Variants in CSMD1 observed in about 807,000 individuals in gnomAD.
CSMD1 encodes CUB and Sushi multiple domains 1.
CSMD1 carries 213 observed loss-of-function variants against 417.5 expected under a neutral mutation model. The observed-to-expected ratio is 0.51, with a 90% CI of 0.46 to 0.57. The LOEUF (loss-of-function observed/expected upper bound fraction) is 0.57. Ranked by LOEUF, CSMD1 falls within the 20% of genes least tolerant of loss-of-function variation. The probability of loss-of-function intolerance (pLI) is 0.00; values close to 1 mark genes in which losing one functional copy is unlikely to be tolerated. For missense variants in CSMD1, 6,923 were observed against 4,529.7 expected (o/e 1.53, Z -15.17); for synonymous variants, 2,862 against 1,736.8 (o/e 1.65, Z -16.11).
chr8:4,836,567 A>C (rs1462442906), intron 1 of CSMD1, among the ~76,000 whole-genome samples: 1 of 152,186 alleles, frequency 6.6e-6, no homozygotes, highest in Non-Finnish European at 1.5e-5. Flanking sequence ...TTGAACTTGA[A>C]CTTTATGAAT....
chr8:4,099,682 A>G (rs1389086317), intron 3 of CSMD1, among the ~76,000 whole-genome samples: 1 of 152,032 alleles, frequency 6.6e-6, no homozygotes, highest in Admixed American at 6.6e-5. Context: ...AAATACAAAC[A>G]AACAAACAAA....
intron 5 of CSMD1, among the ~76,000 whole-genome samples, chr8:3,900,719 T>C (rs750533625): frequency 1.3e-5 from 2 of 152,088 alleles, no homozygotes; most frequent in Non-Finnish European, 2.9e-5. Flanking sequence ...ACTGTGTAGC[T>C]GGGTGACACT....
chr8:3,285,740 T>C lies in CSMD1; in HGVS notation c.3951-1394A>G, dbSNP rs935791191. 2.6e-5 allele frequency among the ~76,000 whole-genome samples: 4 copies of C among 151,946 alleles called. No homozygotes were observed. The South Asian group carries it at 8.3e-4, about 32-fold the overall frequency. On this transcript the variant is annotated intron_variant, in intron 25 of 69. Transcript: ENST00000635120. ...ACAAAAAATCTTATACATGCAACAA[T>C]TTTTTGCCTCCACTCCACCAAATCA...
At chr8:3,849,008 G>T (rs1445824258) in intron 5 of CSMD1, among the ~76,000 whole-genome samples, 1 of 151,694 alleles carries the variant, frequency 6.6e-6, no homozygotes, top group Non-Finnish European at 1.5e-5. Context: ...CTTTCATACA[G>T]AAGGTTCTCT....
At chr8:4,574,123 G>A (rs1799021096) in intron 2 of CSMD1, among the ~76,000 whole-genome samples, 1 of 151,994 alleles carries the variant, frequency 6.6e-6, no homozygotes, top group African/African-American at 2.4e-5. Context: ...CCTTTCCAGG[G>A]GAGTGAACAG....
chr8:3,161,375 G>A (rs1408763039), intron 38 of CSMD1, among the ~76,000 whole-genome samples: 1 of 152,056 alleles, frequency 6.6e-6, no homozygotes, highest in Non-Finnish European at 1.5e-5. Flanking sequence ...CCAGCACTTT[G>A]GGAGGCCAAG....
intron 10 of CSMD1, among the ~76,000 whole-genome samples, chr8:3,535,982 G>A (rs1253667846): frequency 6.6e-6 from 1 of 152,136 alleles, no homozygotes; most frequent in Admixed American, 6.5e-5. Context: ...GCCATCCAGG[G>A]AGGGACTCTC....
chr8:4,262,678 C>T (rs1343668960), intron 3 of CSMD1, among the ~76,000 whole-genome samples: 2 of 152,098 alleles, frequency 1.3e-5, no homozygotes, highest in Non-Finnish European at 2.9e-5. Flanking sequence ...CAACCAGGAC[C>T]CTCAGCCTCC....
intron 2 of CSMD1, among the ~76,000 whole-genome samples, chr8:4,446,378 A>C (rs1235687574): frequency 6.6e-6 from 1 of 151,958 alleles, no homozygotes; most frequent in Non-Finnish European, 1.5e-5. Flanking sequence ...CAGAACCCCA[A>C]CTCCATAAAA....
intron 2 of CSMD1, among the ~76,000 whole-genome samples, chr8:4,631,868 T>G (rs1048273945): frequency 6.6e-6 from 1 of 152,208 alleles, no homozygotes; most frequent in Non-Finnish European, 1.5e-5. Context: ...CCCTAGGCCT[T>G]GTATTTTACA....
At chr8:3,221,050 T>C (rs1321089862) in intron 28 of CSMD1, among the ~76,000 whole-genome samples, 1 of 152,174 alleles carries the variant, frequency 6.6e-6, no homozygotes, top group Non-Finnish European at 1.5e-5. Context: ...GTTTGTTTTG[T>C]AATCACTAAA....
chr8:4,127,609 C>A (rs34566254), intron 3 of CSMD1, among the ~76,000 whole-genome samples: 1,852 of 152,216 alleles, frequency 0.012, 18 homozygotes, highest in Middle Eastern at 0.034. Flanking sequence ...ACACCACATA[C>A]AACACCCAAA....
At chr8:4,727,867 G>C (rs1469311767) in intron 1 of CSMD1, among the ~76,000 whole-genome samples, 2 of 146,746 alleles carry the variant, frequency 1.4e-5, no homozygotes, top group Admixed American at 6.9e-5. Context: ...TATATATTTA[G>C]CTTATATCAC....
At chr8:3,919,772 CTA>C (rs1226002860) in intron 5 of CSMD1, among the ~76,000 whole-genome samples, 2 of 152,042 alleles carry the variant, frequency 1.3e-5, no homozygotes, top group Non-Finnish European at 2.9e-5. Context: ...GGAACACAAG[CTA>C]TCTTTCCATT....
intron 2 of CSMD1, among the ~76,000 whole-genome samples, chr8:4,540,760 C>T (rs1006727514): frequency 1.3e-4 from 20 of 152,234 alleles, no homozygotes; most frequent in African/African-American, 4.6e-4. Flanking sequence ...TGTCCACTTA[C>T]CTTAATCATC....
At chr8:3,537,060 G>C (rs1798232924) in intron 10 of CSMD1, among the ~76,000 whole-genome samples, 1 of 151,958 alleles carries the variant, frequency 6.6e-6, no homozygotes, top group African/African-American at 2.4e-5. Flanking sequence ...CTGGAGTGCA[G>C]TGGCACTATC....
At chr8:3,087,353 G>C in intron 48 of CSMD1, 68 bp from the exon 49 acceptor site, 6 of 1,480,818 alleles carry the variant, frequency 4.1e-6, no homozygotes, top group Non-Finnish European at 5.6e-6. Flanking sequence ...CATTGCCTTT[G>C]TGAGAGTCTA....
chr8:3,397,095 C>T (rs1811750879), intron 16 of CSMD1, among the ~76,000 whole-genome samples: 1 of 152,076 alleles, frequency 6.6e-6, no homozygotes, highest in African/African-American at 2.4e-5. Context: ...CTTGGCTCCC[C>T]TGTGATGCAA....
At chr8:3,473,691 G>A (rs148020126) in intron 11 of CSMD1, among the ~76,000 whole-genome samples, 200 of 152,282 alleles carry the variant, frequency 1.3e-3, no homozygotes, top group African/African-American at 4.6e-3. Context: ...TTTGTTGAAT[G>A]TCATTTCATT....
Sources: allele counts gnomAD v4.1 joint callset (sites outside exome capture counted in the v4.1 genomes callset), GRCh38; gene constraint gnomAD v4.1.1; transcripts MANE v1.5; gene names NCBI Gene and HGNC (gene_info 2026-07-23, HGNC 2026-07-21).